TFAP2A: variants seen among roughly 807,000 people sequenced by gnomAD.
The protein encoded by TFAP2A is transcription factor AP-2 alpha.
In TFAP2A, 7 loss-of-function variants were observed where a neutral mutation model predicts 41.5. The ratio of observed to expected loss-of-function variants is 0.17; its 90% CI spans 0.10 to 0.32. TFAP2A has a LOEUF of 0.32. TFAP2A is among the 10% of genes least tolerant of loss of function. TFAP2A has a pLI of 1.00. For missense variants in TFAP2A, 416 were observed against 563.3 expected, an observed-to-expected ratio of 0.74 and a Z score of 2.65; for synonymous variants, 247 against 242.8, an observed-to-expected ratio of 1.02 and a Z score of -0.16.
chr6:10,402,630 G>A lies in TFAP2A; in HGVS notation c.771-20C>T, dbSNP rs377710991. 2.0e-4 allele frequency: 313 copies of A among 1,547,996 alleles called. No homozygotes were observed. The highest frequency in any genetic ancestry group is 2.6e-4 in the Non-Finnish European group (296 of 1,121,174). ...TTCGCCCTGTTTCACAAATATATGC[G>A]AGAAAGGGATTTAGAAAACATTGGG... On this transcript the variant is annotated intron_variant, in intron 4 of 6. Transcript: ENST00000379613.
At chr6:10,417,061 C>T (rs1016943456), upstream of TFAP2A, 4 of 152,902 alleles carry the variant, frequency 2.6e-5, no homozygotes, top group African/African-American at 9.6e-5. Context: ...AAGTCAGGAT[C>T]TGGGCTGCCA....
chr6:10,404,594 C>T lies in TFAP2A; in HGVS notation c.684G>A (p.Lys228=), dbSNP rs921657783. 1.2e-6 allele frequency: 2 copies of T among 1,614,162 alleles called. No homozygotes were observed. Among genetic ancestry groups the T allele is most frequent in the African/African-American group, 1.3e-5 (1 of 75,056 alleles). Residue 228 remains lysine (K), a synonymous_variant, in exon 4 of 7, where the codon AAG becomes AAA. Transcript: ENST00000379613. ...GRLSLLSSTS[K]YKVTVAEVQR... is the part of the protein sequence containing the mutation. ...GCACTTCCGCCACCGTGACCTTGTA[C>T]TTCGAGGTGGAGCTGAGGAGCGAGA...
intron 1 of TFAP2A, among the ~76,000 whole-genome samples, chr6:10,413,368 C>G (rs1758086777): frequency 6.6e-6 from 1 of 152,222 alleles, no homozygotes; most frequent in Non-Finnish European, 1.5e-5. Flanking sequence ...GCCACCCACC[C>G]CATCCAGTCG....
chr6:10,407,048 A>G (rs753325580), intron 2 of TFAP2A: 1 of 597,244 alleles, frequency 1.7e-6, no homozygotes, highest in Non-Finnish European at 3.0e-6. Flanking sequence ...CCCATGGCCA[A>G]TTTCTCCTCC....
intron 1 of TFAP2A, among the ~76,000 whole-genome samples, chr6:10,414,423 C>G (rs376992900): frequency 2.7e-5 from 4 of 150,612 alleles, no homozygotes; most frequent in Admixed American, 6.6e-5. Flanking sequence ...TCTCTAAAGC[C>G]GAGAAGGGAA....
At position 10,410,139 on chromosome 6, in the gene TFAP2A, C is replaced by T; in HGVS notation, c.248G>A (p.Ser83Asn). Reference protein sequence around the residue: ...DPYSHVNDPYSLNPLHAQPQP... With the variant: ...DPYSHVNDPYNLNPLHAQPQP... Reference sequence around the variant, plus strand: ...CGGCTGGGCGTGCAGGGGGTTCAGGCTGTAGGGGTCGTTGACGTGGGAGTA... The same window carrying T: ...CGGCTGGGCGTGCAGGGGGTTCAGGTTGTAGGGGTCGTTGACGTGGGAGTA... The change falls in exon 2 of 7, where the codon AGC becomes AAC. Residue 83 changes from serine to asparagine, a missense_variant. This residue lies in a region of TFAP2A where 241 missense variants were observed against 274.1 expected (regional missense o/e 0.88). Coordinates refer to ENST00000379613, the MANE Select transcript of TFAP2A (RefSeq NM_001372066.1). 6.3e-7 allele frequency: 1 copy of T among 1,595,170 alleles called. No homozygotes were observed. The highest frequency in any genetic ancestry group is 8.5e-7 in the Non-Finnish European group (1 of 1,171,544).
chr6:10,402,638 G>T, intron 4 of TFAP2A, 28 bp from the exon 5 acceptor site: 2 of 1,532,892 alleles, frequency 1.3e-6, no homozygotes, highest in Non-Finnish European at 1.8e-6. Flanking sequence ...GCGAGAAAGG[G>T]ATTTAGAAAA....
chr6:10,412,142 G>C, intron 1 of TFAP2A: 4 of 991,348 alleles, frequency 4.0e-6, no homozygotes, highest in Non-Finnish European at 4.8e-6. Flanking sequence ...GCAGTCCATT[G>C]ACGGGAGTCT....
In TFAP2A at chr6:10,398,285, G is replaced by T; in HGVS notation, c.*132C>A. The T allele has an allele frequency of 6.3e-7, 1 of 1,580,528 alleles. No homozygotes were observed. Among genetic ancestry groups the T allele is most frequent in the South Asian group, 1.1e-5 (1 of 87,698 alleles). On this transcript the variant is annotated 3_prime_UTR_variant, in exon 7 of 7. Transcript: ENST00000379613. This position sits in a 1 kb window ranked among gnomAD's most constrained non-coding sequence, Gnocchi z 5.3. ...TCGGGGGGACCCAAGGGCAGCGGCG[G>T]CGGCGGCGGCGGCAGCAGCAGCAGC...
chr6:10,413,366 C>A (rs2113221555), intron 1 of TFAP2A, among the ~76,000 whole-genome samples: 1 of 152,314 alleles, frequency 6.6e-6, no homozygotes, highest in East Asian at 1.9e-4. Flanking sequence ...TAGCCACCCA[C>A]CCCATCCAGT....
At position 10,406,861 on chromosome 6, in the gene TFAP2A, C is replaced by G; in HGVS notation, c.487-17G>C. The stretch of plus-strand genomic sequence containing the variant: ...TTCTACATGCTGCAACAAAAGGATA[C>G]ACATGGATGTAAGTGTATCATCAAA... On this transcript the variant is annotated splice_polypyrimidine_tract_variant and intron_variant, in intron 2 of 6. Coordinates refer to ENST00000379613, the MANE Select transcript of TFAP2A (RefSeq NM_001372066.1). 3.1e-6 allele frequency: 5 copies of G among 1,600,076 alleles called. No homozygotes were observed. The highest frequency in any genetic ancestry group is 4.3e-6 in the Non-Finnish European group (5 of 1,167,152).
At chr6:10,419,298 G>A, upstream of TFAP2A, 1 of 1,203,330 alleles carries the variant, frequency 8.3e-7, no homozygotes, top group Non-Finnish European at 1.2e-6. Context: ...TGCCAGGCGC[G>A]CCTCACCTAC....
upstream of TFAP2A, chr6:10,418,514 G>A (rs1485644886): frequency 2.6e-5 from 4 of 152,282 alleles, no homozygotes; most frequent in African/African-American, 9.6e-5. Context: ...ATCGGCGACA[G>A]GCAGAGCCTT....
chr6:10,403,348 C>T (rs1430104666), intron 4 of TFAP2A, among the ~76,000 whole-genome samples: 1 of 152,102 alleles, frequency 6.6e-6, no homozygotes, highest in Non-Finnish European at 1.5e-5. Flanking sequence ...TAAACAGTCT[C>T]CAATATTGGG....
At chr6:10,415,342 C>T (rs930423727), upstream of TFAP2A, 33 of 1,183,958 alleles carry the variant, frequency 2.8e-5, no homozygotes, top group Admixed American at 3.7e-4. Context: ...TCCAATTGCT[C>T]GCCAGTACCA....
intron 2 of TFAP2A, chr6:10,407,258 A>G (rs934393031): frequency 1.2e-4 from 30 of 256,326 alleles, no homozygotes; most frequent in African/African-American, 6.6e-4. Flanking sequence ...GAAACACAAT[A>G]GAAATGACAG....
chr6:10,417,478 A>G (rs898023126), upstream of TFAP2A, among the ~76,000 whole-genome samples: 3 of 152,198 alleles, frequency 2.0e-5, no homozygotes, highest in Non-Finnish European at 2.9e-5. Context: ...TGCCAGCGTC[A>G]TTACCACGCT....
chr6:10,398,428 G>T lies in TFAP2A; in HGVS notation c.1309C>A (p.His437Asn). 4 of 1,614,184 alleles carry T rather than the reference G, an allele frequency of 2.5e-6. No homozygotes were observed. Among genetic ancestry groups the T allele is most frequent in the Non-Finnish European group, 3.4e-6 (4 of 1,180,048 alleles). The change falls in exon 7 of 7, where the codon CAC becomes AAC. Residue 437 changes from histidine to asparagine, a missense_variant. Around this residue, in one of 3 missense-constraint regions of TFAP2A, gnomAD observed 116 missense variants for 153.8 expected, o/e 0.75. Coordinates refer to ENST00000379613, the MANE Select transcript of TFAP2A (RefSeq NM_001372066.1). The surrounding 1 kb of genome is among the most constrained non-coding windows in gnomAD (Gnocchi z 5.3). The stretch of plus-strand genomic sequence containing the variant: ...GCGGGAGGAGAGCCTCACTTTCTGT[G>T]CTTCTCCTCTTTGTCACTGCTTTTG... Reference protein sequence around the residue: ...NAKSSDKEEKHRK With the variant: ...NAKSSDKEEKNRK
chr6:10,406,469 G>A, intron 3 of TFAP2A: 1 of 393,842 alleles, frequency 2.5e-6, no homozygotes, highest in African/African-American at 2.0e-5. Flanking sequence ...CTTCATCCAG[G>A]CAATGGATTA....
Sources: gnomAD v4.1 joint callset for allele counts (sites outside exome capture counted in the v4.1 genomes callset) on GRCh38, gnomAD v4.1.1 for gene constraint, gnomAD v4.1.1 regional missense constraint, Gnocchi (gnomAD v3.1) non-coding constraint, MANE v1.5 for transcripts, NCBI Gene and HGNC (gene_info 2026-07-23, HGNC 2026-07-21) for gene names.